The following NRXN1 variants were observed in gnomAD, a reference collection of about 807,000 sequenced individuals.
NRXN1 encodes neurexin-1.
In NRXN1, 39 loss-of-function variants were observed where a neutral mutation model predicts 150.9. The observed-to-expected ratio is 0.26, with a 90% CI of 0.20 to 0.34. The LOEUF (loss-of-function observed/expected upper bound fraction) is 0.34. Ranked by LOEUF, NRXN1 falls within the 10% of genes least tolerant of loss-of-function variation. NRXN1 has a pLI of 1.00. For synonymous variants in NRXN1, 924 were observed against 757.0 expected (o/e 1.22, Z -3.62); for missense variants, 1,815 against 1,949.9 (o/e 0.93, Z 1.30).
At chr2:50,020,891 T>C (rs1687465200) in intron 21 of NRXN1, among the ~76,000 whole-genome samples, 1 of 152,222 alleles carries the variant, frequency 6.6e-6, no homozygotes, top group South Asian at 2.1e-4. Context: ...TTTGAGTAAC[T>C]ATAATAATCC....
At chr2:50,554,245 G>A (rs1667914187) in intron 8 of NRXN1, among the ~76,000 whole-genome samples, 2 of 152,028 alleles carry the variant, frequency 1.3e-5, no homozygotes, top group African/African-American at 4.8e-5. Flanking sequence ...TATGTAACAG[G>A]AAAAATAAGA....
At chr2:50,032,568 A>C (rs574617783) in intron 21 of NRXN1, among the ~76,000 whole-genome samples, 1 of 152,224 alleles carries the variant, frequency 6.6e-6, no homozygotes, top group East Asian at 1.9e-4. Flanking sequence ...TTTCAAGTTC[A>C]GTGTTCTATG....
intron 21 of NRXN1, among the ~76,000 whole-genome samples, chr2:49,949,720 G>A (rs530799572): frequency 6.6e-4 from 100 of 151,868 alleles, no homozygotes; most frequent in Non-Finnish European, 1.8e-4. Flanking sequence ...AATTGTCTCA[G>A]ACAATGACAT....
At chr2:50,664,329 A>G (rs1054906370) in intron 5 of NRXN1, among the ~76,000 whole-genome samples, 1 of 151,576 alleles carries the variant, frequency 6.6e-6, no homozygotes, top group Non-Finnish European at 1.5e-5. Context: ...ATTTTCTGCT[A>G]TAGCAGAAAA....
chr2:50,254,477 T>A (rs1321383633), intron 17 of NRXN1, among the ~76,000 whole-genome samples: 1 of 151,836 alleles, frequency 6.6e-6, no homozygotes, highest in Non-Finnish European at 1.5e-5. Flanking sequence ...TGTTGGCTCT[T>A]GGTTCTTTAG....
At chr2:50,219,984 A>ATT (rs1273165870) in intron 18 of NRXN1, among the ~76,000 whole-genome samples, 1 of 44,756 alleles carries the variant, frequency 2.2e-5, no homozygotes, top group African/African-American at 2.3e-4. Context: ...TAATATATAT[A>ATT]TTATATATAA....
At chr2:50,247,867 C>G (rs749478892) in intron 17 of NRXN1, among the ~76,000 whole-genome samples, 1 of 152,120 alleles carries the variant, frequency 6.6e-6, no homozygotes, top group Non-Finnish European at 1.5e-5. Flanking sequence ...AATCATTGTA[C>G]TCTGGATATA....
chr2:50,711,164 T>C (rs1695087459), intron 5 of NRXN1, among the ~76,000 whole-genome samples: 1 of 152,132 alleles, frequency 6.6e-6, no homozygotes, highest in African/African-American at 2.4e-5. Flanking sequence ...TGCAAGGCTC[T>C]ATCTAAACCA....
chr2:50,181,642 G>C lies in NRXN1; in HGVS notation c.3546+55147C>G, dbSNP rs151271058. On this transcript the variant is annotated intron_variant, in intron 18 of 22. Coordinates refer to ENST00000401669, the MANE Select transcript of NRXN1 (RefSeq NM_001330078.2). ...TGAGGACTAGGACTTTTTTTTAATC[G>C]TTCTGATACACAAATAAATATGCTC... Among the ~76,000 whole-genome samples, 197 of 151,854 alleles carry C rather than the reference G, an allele frequency of 1.3e-3. 1 individual carries two copies. The highest frequency in any genetic ancestry group is 4.5e-3 in the African/African-American group (188 of 41,412).
intron 2 of NRXN1, among the ~76,000 whole-genome samples, chr2:51,018,781 T>C (rs1167860882): frequency 6.6e-6 from 1 of 152,128 alleles, no homozygotes; most frequent in Non-Finnish European, 1.5e-5. Flanking sequence ...AACTTTGTGT[T>C]GCTTGTTTTC....
intron 2 of NRXN1, among the ~76,000 whole-genome samples, chr2:50,980,626 G>C (rs1696639297): frequency 6.6e-6 from 1 of 151,986 alleles, no homozygotes; most frequent in Non-Finnish European, 1.5e-5. Flanking sequence ...AGCAAATTTA[G>C]AAAAGGGGAG....
chr2:49,974,129 G>A (rs1211195061), intron 21 of NRXN1: 1 of 715,264 alleles, frequency 1.4e-6, no homozygotes, highest in East Asian at 2.7e-5. Flanking sequence ...GGGAGATCAA[G>A]ATGATAAATT....
At chr2:50,019,298 G>T in intron 21 of NRXN1, 1 of 471,370 alleles carries the variant, frequency 2.1e-6, no homozygotes, top group Non-Finnish European at 4.4e-6. Flanking sequence ...TGAGGACAGG[G>T]ATATGTTTAT....
chr2:50,613,768 C>G (rs538051970), intron 8 of NRXN1, among the ~76,000 whole-genome samples: 34 of 152,204 alleles, frequency 2.2e-4, no homozygotes, highest in African/African-American at 7.9e-4. Flanking sequence ...GAAACCCTGT[C>G]TCTACTAAAA....
chr2:49,978,534 G>C (rs1485100872), intron 21 of NRXN1, among the ~76,000 whole-genome samples: 1 of 152,138 alleles, frequency 6.6e-6, no homozygotes, highest in Admixed American at 6.5e-5. Flanking sequence ...GTGGTGTTCA[G>C]GGTTAGTGCA....
intron 17 of NRXN1, among the ~76,000 whole-genome samples, chr2:50,279,597 C>T (rs2071126128): frequency 6.6e-6 from 1 of 152,018 alleles, no homozygotes; most frequent in South Asian, 2.1e-4. Flanking sequence ...ACATAAATAA[C>T]ATATCAAACA....
At chr2:50,027,190 T>C (rs900734964) in intron 21 of NRXN1, among the ~76,000 whole-genome samples, 7 of 152,064 alleles carry the variant, frequency 4.6e-5, no homozygotes, top group African/African-American at 1.4e-4. Context: ...CCCTGTTTAC[T>C]TTTTTCATTG....
At chr2:50,863,209 C>G (rs1398731739) in intron 5 of NRXN1, among the ~76,000 whole-genome samples, 2 of 151,960 alleles carry the variant, frequency 1.3e-5, no homozygotes, top group Admixed American at 6.6e-5. Flanking sequence ...AAAGAAAGAA[C>G]AATGAGATAA....
At chr2:50,449,543 G>GA (rs1264861000) in intron 17 of NRXN1, among the ~76,000 whole-genome samples, 3 of 152,178 alleles carry the variant, frequency 2.0e-5, no homozygotes, top group African/African-American at 7.2e-5. Context: ...GTGTGTGGGG[G>GA]AGGGAAGGTC....
Sources: gnomAD v4.1 joint callset for allele counts (sites outside exome capture counted in the v4.1 genomes callset) on GRCh38, gnomAD v4.1.1 for gene constraint, MANE v1.5 for transcripts, NCBI Gene and HGNC (gene_info 2026-07-23, HGNC 2026-07-21) for gene names.